PCDHAC1: variants seen among roughly 807,000 people sequenced by gnomAD.
PCDHAC1 encodes the protein protocadherin alpha subfamily C, 1, also known as protocadherin alpha-C1.
Under a neutral mutation model 60.0 loss-of-function variants are expected in PCDHAC1, and 42 were observed. The ratio of observed to expected loss-of-function variants is 0.70; its 90% CI spans 0.55 to 0.90. The LOEUF (loss-of-function observed/expected upper bound fraction) is 0.90, where lower values mean the gene tolerates loss of function less well. Ranked by LOEUF, PCDHAC1 falls within the 40% of genes least tolerant of loss-of-function variation. The pLI, the probability that PCDHAC1 is intolerant of heterozygous loss-of-function variation, is 0.00. For synonymous variants in PCDHAC1, 468 were observed against 499.3 expected (o/e 0.94, Z 0.84); for missense variants, 1,160 against 1,222.3 (o/e 0.95, Z 0.76).
chr5:140,962,708 A>G (rs982426662), intron 1 of PCDHAC1, among the ~76,000 whole-genome samples: 1 of 152,240 alleles, frequency 6.6e-6, no homozygotes, highest in African/African-American at 2.4e-5. Context: ...CTATAATCAT[A>G]TTGGAAAGTA....
chr5:140,926,548 A>C lies in PCDHAC1; in HGVS notation c.-345A>C. On this transcript the variant is annotated 5_prime_UTR_variant, in exon 1 of 4. Coordinates refer to ENST00000253807, the MANE Select transcript of PCDHAC1 (RefSeq NM_018898.5). Reference sequence around the variant, plus strand: ...GCCCGCAGCCAGCGTGGTGGTCGAGACCCCAGCCCGCTGCTACTGGAGACA... The same window carrying C: ...GCCCGCAGCCAGCGTGGTGGTCGAGCCCCCAGCCCGCTGCTACTGGAGACA... 4.4e-6 allele frequency: 1 copy of C among 226,392 alleles called. No homozygotes were observed. Among genetic ancestry groups the C allele is most frequent in the Non-Finnish European group, 8.5e-6 (1 of 117,910 alleles). 14.0% of individuals were successfully genotyped at this position (226,392 alleles called of 1,614,324 possible). A position where few individuals can be genotyped will look rare whatever the true frequency, so the allele number is the denominator to read the frequency against.
rs114930676 is a variant in PCDHAC1 at position 140,999,076 on chromosome 5, C to G, written c.2582-10551C>G. ...CATGCCTAAGTAGTCTCCTTCACTT[C>G]CTCCTTCAGAGGGCTATGGAGAGTA... On this transcript the variant is annotated intron_variant, in intron 3 of 3. Transcript: ENST00000253807. Among the ~76,000 whole-genome samples the G allele has an allele frequency of 3.3e-3, 503 of 152,332 alleles. 4 individuals are homozygous for G. The highest frequency in any genetic ancestry group is 0.011 in the African/African-American group (469 of 41,568).
At chr5:140,983,463 C>T (rs1554245464) in intron 3 of PCDHAC1, among the ~76,000 whole-genome samples, 1 of 152,208 alleles carries the variant, frequency 6.6e-6, no homozygotes, top group Non-Finnish European at 1.5e-5. Flanking sequence ...AATAGAACAT[C>T]ATGATGATAA....
chr5:140,984,230 A>C (rs1329517544), intron 3 of PCDHAC1, among the ~76,000 whole-genome samples: 1 of 152,112 alleles, frequency 6.6e-6, no homozygotes, highest in Non-Finnish European at 1.5e-5. Flanking sequence ...GCTCTTATGG[A>C]GGCATTGTAG....
intron 3 of PCDHAC1, among the ~76,000 whole-genome samples, chr5:140,985,006 C>T (rs892412151): frequency 1.3e-5 from 2 of 151,922 alleles, no homozygotes; most frequent in South Asian, 2.1e-4. Context: ...GGCACGATAT[C>T]GGCTCACAGC....
Position 140,974,586 on chromosome 5 carries a change from A to G in PCDHAC1, c.2434-4363A>G, listed in dbSNP as rs150396044. Among the ~76,000 whole-genome samples, 599 of 152,220 alleles carry G rather than the reference A, an allele frequency of 3.9e-3. 3 individuals carry two copies. Among genetic ancestry groups the G allele is most frequent in the African/African-American group, 0.014 (565 of 41,540 alleles). On this transcript the variant is annotated intron_variant, in intron 1 of 3. Transcript: ENST00000253807. The stretch of plus-strand genomic sequence containing the variant: ...GAGTGCAATGGCATGATCTTGGCTC[A>G]CTGCAACCTCTGCCTCCAGGGTTCA...
Position 140,927,111 on chromosome 5 carries a change from C to T in PCDHAC1, c.219C>T (p.Gly73=). ...ELYFGVDLPS[G]NLVVREPADR... Reference sequence around the variant, plus strand: ...ACTTCGGGGTGGATCTACCCAGCGGCAATTTGGTGGTCAGAGAGCCGGCGG... The same window carrying T: ...ACTTCGGGGTGGATCTACCCAGCGGTAATTTGGTGGTCAGAGAGCCGGCGG... The change falls in exon 1 of 4, where the codon GGC becomes GGT. Residue 73 remains glycine, a synonymous_variant. Transcript: ENST00000253807. The T allele has an allele frequency of 3.7e-6, 6 of 1,613,856 alleles. No individual in the cohort carries two copies. In the Middle Eastern group the frequency reaches 8.3e-4, roughly 222 times the overall value.
intron 1 of PCDHAC1, among the ~76,000 whole-genome samples, chr5:140,975,280 T>G (rs914764307): frequency 5.3e-5 from 8 of 152,252 alleles, no homozygotes; most frequent in Admixed American, 3.9e-4. Context: ...CTCTGACCTC[T>G]AGACCCAGAT....
chr5:140,980,978 C>T (rs1482749121), intron 2 of PCDHAC1, among the ~76,000 whole-genome samples: 1 of 152,032 alleles, frequency 6.6e-6, no homozygotes, highest in South Asian at 2.1e-4. Flanking sequence ...TCTGACTGAG[C>T]CCACACAATT....
In PCDHAC1 at chr5:140,926,494, C is replaced by T. The variant is rs565938693; in HGVS notation, c.-399C>T. The T allele has an allele frequency of 2.5e-4, 46 of 181,758 alleles. No individual in the cohort carries two copies. Among genetic ancestry groups the T allele is most frequent in the African/African-American group, 1.0e-3 (44 of 42,580 alleles). 11.3% of individuals were successfully genotyped at this position (181,758 alleles called of 1,614,324 possible). ...CGTTTAAGGAGAGAAGTGTTAGTGT[C>T]TCGGGGCGTCTCCCAGGCTCCGCCC... On this transcript the variant is annotated 5_prime_UTR_variant, in exon 1 of 4. Transcript: ENST00000253807.
chr5:141,000,371 CT>C (rs2153963893), intron 3 of PCDHAC1, among the ~76,000 whole-genome samples: 1 of 49,262 alleles, frequency 2.0e-5, no homozygotes, highest in East Asian at 6.6e-4. Context: ...GTCTCTCTCT[CT>C]CTCTCTCTCT....
chr5:140,999,877 G>A (rs1194481133), intron 3 of PCDHAC1, among the ~76,000 whole-genome samples: 1 of 152,152 alleles, frequency 6.6e-6, no homozygotes, highest in Admixed American at 6.5e-5. Flanking sequence ...CTGAAAATTA[G>A]CCCAGCTGTA....
At chr5:140,987,592 G>T (rs150671243) in intron 3 of PCDHAC1, among the ~76,000 whole-genome samples, 2 of 152,172 alleles carry the variant, frequency 1.3e-5, no homozygotes, top group African/African-American at 4.8e-5. Flanking sequence ...GAGAATAGTG[G>T]TGTCTACCTT....
chr5:140,987,263 G>C (rs1034230893), intron 3 of PCDHAC1, among the ~76,000 whole-genome samples: 14 of 151,908 alleles, frequency 9.2e-5, no homozygotes, highest in Non-Finnish European at 1.8e-4. Context: ...CTCAGGAATG[G>C]GACCCGGCAG....
chr5:140,980,933 C>G (rs1376814777), intron 2 of PCDHAC1, among the ~76,000 whole-genome samples: 1 of 152,120 alleles, frequency 6.6e-6, no homozygotes, highest in African/African-American at 2.4e-5. Flanking sequence ...CTGCTTTGAG[C>G]TGAGCTGGCT....
intron 1 of PCDHAC1, chr5:140,966,800 G>A: frequency 6.5e-7 from 1 of 1,540,654 alleles, no homozygotes; most frequent in Non-Finnish European, 8.7e-7. Context: ...TGCGGCGACA[G>A]AGCATCCACG....
intron 1 of PCDHAC1, among the ~76,000 whole-genome samples, chr5:140,954,881 C>T (rs2095105725): frequency 6.6e-6 from 1 of 152,092 alleles, no homozygotes; most frequent in Non-Finnish European, 1.5e-5. Flanking sequence ...CCTAGCTTTT[C>T]TTCTAGGGTT....
intron 1 of PCDHAC1, chr5:140,966,229 A>T (rs1027352378): frequency 1.1e-5 from 3 of 277,852 alleles, no homozygotes; most frequent in African/African-American, 6.6e-5. Context: ...ATCTCCTTAA[A>T]GACCCGTTAA....
chr5:141,003,057 TCCA>T (rs2098109750), intron 3 of PCDHAC1, among the ~76,000 whole-genome samples: 1 of 152,194 alleles, frequency 6.6e-6, no homozygotes, highest in African/African-American at 2.4e-5. Context: ...ACAGAACAGT[TCCA>T]AATGCAGATG....
Sources: allele counts gnomAD v4.1 joint callset (sites outside exome capture counted in the v4.1 genomes callset), GRCh38; gene constraint gnomAD v4.1.1; transcripts MANE v1.5; gene names NCBI Gene and HGNC (gene_info 2026-07-23, HGNC 2026-07-21).